The following ZC3H18 variants were observed in gnomAD, a reference collection of about 807,000 sequenced individuals.
ZC3H18 encodes the protein zinc finger CCCH domain-containing protein 18.
ZC3H18 carries 8 observed loss-of-function variants against 106.1 expected under a neutral mutation model. The observed-to-expected ratio is 0.08, with a 90% CI of 0.04 to 0.14. The LOEUF is 0.14. Among genes scored for constraint, ZC3H18 ranks in the 10% least tolerant of loss-of-function variants. ZC3H18 has a pLI of 1.00. For synonymous variants in ZC3H18, 635 were observed against 522.1 expected (o/e 1.22, Z -2.95); for missense variants, 1,318 against 1,278.4 (o/e 1.03, Z -0.47).
rs137879594 is a variant in ZC3H18, at chr16:88,623,269, G to T, written c.1718G>T (p.Arg573Leu). 1.5e-3 allele frequency: 2,400 copies of T among 1,613,606 alleles called. No individual in the cohort carries two copies. Among genetic ancestry groups the T allele is most frequent in the Non-Finnish European group, 1.9e-3 (2,215 of 1,179,962 alleles). Reference sequence around the variant, plus strand: ...TCTGGCTCCGGCTCCTCCCGGTCGCGATCCCGGTCTTCATCCTACAGCTCC... The same window carrying T: ...TCTGGCTCCGGCTCCTCCCGGTCGCTATCCCGGTCTTCATCCTACAGCTCC... ...SYSGSGSSRS[R>L]SRSSSYSSYS... Residue 573 changes from arginine to leucine, a missense_variant, in exon 10 of 18, where the codon CGA becomes CTA. This residue lies in a region of ZC3H18 where 848 missense variants were observed against 821.7 expected (regional missense o/e 1.03). Coordinates refer to ENST00000301011, the MANE Select transcript of ZC3H18 (RefSeq NM_144604.4).
intron 1 of ZC3H18, chr16:88,571,645 T>G: frequency 1.0e-6 from 1 of 985,392 alleles, no homozygotes; most frequent in Non-Finnish European, 1.2e-6. Flanking sequence ...TAAGAAAGCT[T>G]TGTGGAGTCA....
chr16:88,571,847 T>C (rs1244700054), intron 1 of ZC3H18, among the ~76,000 whole-genome samples: 1 of 152,216 alleles, frequency 6.6e-6, no homozygotes, highest in East Asian at 1.9e-4. Flanking sequence ...TTTAAGTCCA[T>C]GAGGTTATGA....
rs571823871 is a variant in ZC3H18, at chr16:88,621,858, G to A, written c.1476-339G>A. Among the ~76,000 whole-genome samples the A allele has an allele frequency of 1.3e-4, 20 of 152,318 alleles. No homozygotes were observed. The South Asian group carries it at 3.7e-3, about 28-fold the overall frequency. On this transcript the variant is annotated intron_variant, in intron 8 of 17. Coordinates refer to ENST00000301011, the MANE Select transcript of ZC3H18 (RefSeq NM_144604.4). ...ACTAGAGATAGTATTAGACACGGCA[G>A]ACACCATCCCTGTCCCTCCTAGAGC...
chr16:88,608,834 T>G (rs568567226), intron 6 of ZC3H18, 100 bp from the exon 7 acceptor site: 2 of 984,350 alleles, frequency 2.0e-6, no homozygotes, highest in Non-Finnish European at 3.1e-6. Context: ...TAAACCCCAC[T>G]GCGTCACGGT....
rs1281194939 is a variant in ZC3H18, at chr16:88,631,702, G to T, written c.*403G>T. 1 of 451,444 alleles carries T rather than the reference G, an allele frequency of 2.2e-6. No individual in the cohort carries two copies. Among genetic ancestry groups the T allele is most frequent in the Non-Finnish European group, 4.4e-6 (1 of 227,484 alleles). The allele number at this position is 451,444 out of a possible 1,614,324, so 28.0% of individuals were successfully genotyped here. On this transcript the variant is annotated 3_prime_UTR_variant, in exon 18 of 18. Transcript: ENST00000301011. The stretch of plus-strand genomic sequence containing the variant: ...CTCCTGAGCTGAGAAACGGAACCTC[G>T]CGAACCACTGGTGGCACATCCTTCT...
chr16:88,576,897 G>A (rs1226105236), intron 1 of ZC3H18, among the ~76,000 whole-genome samples: 6 of 152,180 alleles, frequency 3.9e-5, no homozygotes, highest in African/African-American at 1.4e-4. Context: ...GCCAAAAACG[G>A]GAGGCACTTA....
At chr16:88,598,849 C>T in intron 5 of ZC3H18, 137 bp downstream of exon 5, 1 of 720,032 alleles carries the variant, frequency 1.4e-6, no homozygotes, top group Non-Finnish European at 2.1e-6. Context: ...TGGTGTCTTT[C>T]TTTATTTTTT....
intron 16 of ZC3H18, among the ~76,000 whole-genome samples, chr16:88,629,643 G>A (rs1435575760): frequency 6.6e-6 from 1 of 152,190 alleles, no homozygotes; most frequent in African/African-American, 2.4e-5. Context: ...CGGACTGAGT[G>A]ACGAGGCAGA....
intron 1 of ZC3H18, chr16:88,571,693 C>A: frequency 1.0e-6 from 1 of 984,852 alleles, no homozygotes; most frequent in Non-Finnish European, 1.2e-6. Flanking sequence ...CTATGGCCTA[C>A]ATCGTGTTTA....
intron 8 of ZC3H18, among the ~76,000 whole-genome samples, chr16:88,613,170 G>C (rs545254288): frequency 1.3e-5 from 2 of 152,314 alleles, no homozygotes; most frequent in East Asian, 3.9e-4. Context: ...CTTCTACTCC[G>C]AGCGTTTTTA....
intron 6 of ZC3H18, among the ~76,000 whole-genome samples, chr16:88,604,015 C>T (rs1904886970): frequency 1.3e-5 from 2 of 152,046 alleles, no homozygotes; most frequent in Admixed American, 6.6e-5. Context: ...CCGTTTCTAC[C>T]ACCTCAAGCA....
Position 88,598,697 on chromosome 16 carries a change from C to G in ZC3H18, c.915C>G (p.Leu305=), listed in dbSNP as rs1030845053. 6.2e-7 allele frequency: 1 copy of G among 1,612,026 alleles called. No homozygotes were observed. The highest frequency in any genetic ancestry group is 8.5e-7 in the Non-Finnish European group (1 of 1,178,984). Residue 305 remains leucine, a synonymous_variant, in exon 5 of 18, where the codon CTC becomes CTG. Coordinates refer to ENST00000301011, the MANE Select transcript of ZC3H18 (RefSeq NM_144604.4). ...CAGAGAGTGCCTGGGAACGAGGACT[C>G]CGGCATGCAAAGGAGGTAAACACAA... ...PPTESAWERG[L]RHAKEVLKKA... is the part of the protein sequence containing the mutation.
chr16:88,626,899 C>T (rs182528111), intron 13 of ZC3H18, among the ~76,000 whole-genome samples: 77 of 152,284 alleles, frequency 5.1e-4, no homozygotes, highest in African/African-American at 1.8e-3. Flanking sequence ...CCGTGTGTTC[C>T]TCAGGCATTC....
chr16:88,607,040 C>T (rs983902953), intron 6 of ZC3H18, among the ~76,000 whole-genome samples: 2 of 152,158 alleles, frequency 1.3e-5, no homozygotes, highest in African/African-American at 4.8e-5. Context: ...AAAGGAGATG[C>T]AGAGTTGTGG....
At chr16:88,619,695 C>T (rs149969179) in intron 8 of ZC3H18, among the ~76,000 whole-genome samples, 16 of 152,248 alleles carry the variant, frequency 1.1e-4, no homozygotes, top group African/African-American at 2.9e-4. Context: ...GGCAAGCAGA[C>T]GCTGTTTTTC....
intron 8 of ZC3H18, among the ~76,000 whole-genome samples, chr16:88,614,869 G>A (rs531952050): frequency 1.3e-5 from 2 of 152,316 alleles, no homozygotes; most frequent in South Asian, 4.1e-4. Context: ...CTGCAAAGGT[G>A]CAGCCCAGCA....
Position 88,607,389 on chromosome 16 carries a change from C to T in ZC3H18, c.1089-1545C>T, listed in dbSNP as rs543869990. Reference sequence around the variant, plus strand: ...CGATTTTTCATGTGAACTTGGGTGTCAGCTTGTCTGGCTCCTTAAAGAAGC... The same window carrying T: ...CGATTTTTCATGTGAACTTGGGTGTTAGCTTGTCTGGCTCCTTAAAGAAGC... On this transcript the variant is annotated intron_variant, in intron 6 of 17. Transcript: ENST00000301011. 5.3e-4 allele frequency among the ~76,000 whole-genome samples: 81 copies of T among 152,254 alleles called. 1 individual carries two copies. The highest frequency in any genetic ancestry group is 1.8e-3 in the Admixed American group (28 of 15,294).
intron 8 of ZC3H18, among the ~76,000 whole-genome samples, chr16:88,618,330 G>C (rs1409565682): frequency 6.6e-6 from 1 of 152,248 alleles, no homozygotes; most frequent in African/African-American, 2.4e-5. Flanking sequence ...AACAAGCCAG[G>C]AGAGAAGCTT....
At chr16:88,574,831 C>CTT (rs766351268) in intron 1 of ZC3H18, among the ~76,000 whole-genome samples, 19 of 137,032 alleles carry the variant, frequency 1.4e-4, no homozygotes, top group Non-Finnish European at 2.7e-4. Flanking sequence ...TCTAATGTAT[C>CTT]TTTTTTTTTT....
Sources: allele counts gnomAD v4.1 joint callset (sites outside exome capture counted in the v4.1 genomes callset), GRCh38; gene constraint gnomAD v4.1.1; regional missense constraint gnomAD v4.1.1; transcripts MANE v1.5; gene names NCBI Gene and HGNC (gene_info 2026-07-23, HGNC 2026-07-21).